Variants in AGBL1 observed in about 807,000 individuals in gnomAD.
AGBL1 encodes the protein AGBL carboxypeptidase 1, also known as cytosolic carboxypeptidase 4.
A neutral mutation model predicts 118.9 loss-of-function variants in AGBL1; 130 were observed. That is an observed-to-expected ratio of 1.09 (90% CI 0.95 to 1.26). The LOEUF (loss-of-function observed/expected upper bound fraction) is 1.26. Ranked by LOEUF, AGBL1 falls within the 50% of genes most tolerant of loss-of-function variation. The probability of loss-of-function intolerance (pLI) is 0.00; values close to 1 mark genes in which losing one functional copy is unlikely to be tolerated. For missense variants in AGBL1, 1,584 were observed against 1,298.1 expected, an observed-to-expected ratio of 1.22 and a Z score of -3.38; for synonymous variants, 555 against 478.9, an observed-to-expected ratio of 1.16 and a Z score of -2.08.
chr15:86,939,390 G>C (rs1237016401), intron 23 of AGBL1, among the ~76,000 whole-genome samples: 1 of 152,114 alleles, frequency 6.6e-6, no homozygotes, highest in African/African-American at 2.4e-5. Context: ...TCAGCTTTTG[G>C]ACTCTTGGAC....
At chr15:86,590,982 C>G (rs923087153) in intron 21 of AGBL1, among the ~76,000 whole-genome samples, 10 of 152,160 alleles carry the variant, frequency 6.6e-5, no homozygotes, top group Non-Finnish European at 1.5e-4. Context: ...TCTCAGTTGT[C>G]CCAATAATGT....
chr15:86,417,967 A>G lies in AGBL1; in HGVS notation c.2555+20421A>G, dbSNP rs145215269. 2.0e-5 allele frequency among the ~76,000 whole-genome samples: 3 copies of G among 152,308 alleles called. No homozygotes were observed. The East Asian group carries it at 5.8e-4, about 29-fold the overall frequency. On this transcript the variant is annotated intron_variant, in intron 18 of 22. Transcript: ENST00000614907. ...GAAGTTATTTTTTATATTAATTGCC[A>G]TTAACCTGAAAGTATCTTGCTGTAT...
At chr15:86,449,820 G>A (rs1047514555) in intron 18 of AGBL1, among the ~76,000 whole-genome samples, 12 of 152,110 alleles carry the variant, frequency 7.9e-5, no homozygotes, top group African/African-American at 1.4e-4. Flanking sequence ...ACTGAGGAAC[G>A]GCATGTCCAA....
At chr15:86,808,337 C>T (rs1455011290) in intron 22 of AGBL1, among the ~76,000 whole-genome samples, 1 of 152,142 alleles carries the variant, frequency 6.6e-6, no homozygotes, top group Non-Finnish European at 1.5e-5. Flanking sequence ...AAACAGCTTT[C>T]AGAAACACCT....
chr15:86,760,383 A>G (rs1413521564), intron 22 of AGBL1, among the ~76,000 whole-genome samples: 1 of 152,040 alleles, frequency 6.6e-6, no homozygotes, highest in Non-Finnish European at 1.5e-5. Context: ...CCACACCCGC[A>G]TTCTCCTACT....
rs192173934 is a variant in AGBL1, at chr15:86,161,847, C to T, written c.488+2821C>T. 1.5e-3 allele frequency among the ~76,000 whole-genome samples: 231 copies of T among 152,270 alleles called. 2 individuals are homozygous for T. Among genetic ancestry groups the T allele is most frequent in the Non-Finnish European group, 2.6e-3 (175 of 68,032 alleles). Reference sequence around the variant, plus strand: ...AGCCTCCTTCTACCAGATTCCTTGGCGAGTCATTTAACTTTTCTTAACTAA... The same window carrying T: ...AGCCTCCTTCTACCAGATTCCTTGGTGAGTCATTTAACTTTTCTTAACTAA... On this transcript the variant is annotated intron_variant, in intron 5 of 22. Transcript: ENST00000614907.
chr15:86,719,441 C>T (rs2086684870), intron 22 of AGBL1, among the ~76,000 whole-genome samples: 1 of 152,164 alleles, frequency 6.6e-6, no homozygotes, highest in African/African-American at 2.4e-5. Flanking sequence ...AAAGACACAG[C>T]ATCCTTATAG....
At chr15:86,690,154 T>C (rs960729640) in intron 22 of AGBL1, among the ~76,000 whole-genome samples, 5 of 152,178 alleles carry the variant, frequency 3.3e-5, no homozygotes, top group African/African-American at 1.2e-4. Flanking sequence ...AGGAATGTTA[T>C]AAGAAATAGG....
At chr15:86,358,830 A>G (rs2080760360) in intron 17 of AGBL1, among the ~76,000 whole-genome samples, 1 of 151,940 alleles carries the variant, frequency 6.6e-6, no homozygotes, top group South Asian at 2.1e-4. Context: ...TTCTTGAGAA[A>G]TGTTTATTCA....
At chr15:86,476,650 C>A (rs578019853) in intron 18 of AGBL1, among the ~76,000 whole-genome samples, 59 of 152,310 alleles carry the variant, frequency 3.9e-4, no homozygotes, top group African/African-American at 1.4e-3. Flanking sequence ...TAACACCCTA[C>A]TGTCAACATG....
chr15:86,521,827 G>A (rs551634413), intron 18 of AGBL1, among the ~76,000 whole-genome samples: 40 of 152,338 alleles, frequency 2.6e-4, no homozygotes, highest in African/African-American at 8.4e-4. Flanking sequence ...GAGCTTGGGT[G>A]TGGAAGGACA....
intron 18 of AGBL1, among the ~76,000 whole-genome samples, chr15:86,406,535 T>C (rs775686415): frequency 1.3e-5 from 2 of 152,206 alleles, no homozygotes; most frequent in African/African-American, 2.4e-5. Flanking sequence ...TTGCATTGTA[T>C]AATTCCAAAG....
intron 22 of AGBL1, among the ~76,000 whole-genome samples, chr15:86,847,641 C>A (rs1453751413): frequency 1.3e-5 from 2 of 152,128 alleles, no homozygotes; most frequent in Non-Finnish European, 2.9e-5. Flanking sequence ...AAGTCTCTAC[C>A]CTCTGCCAAC....
chr15:86,558,047 A>G (rs1443572831), intron 21 of AGBL1, among the ~76,000 whole-genome samples: 1 of 152,058 alleles, frequency 6.6e-6, no homozygotes, highest in Non-Finnish European at 1.5e-5. Flanking sequence ...CTGCCACTAG[A>G]TATGGTTTGA....
intron 22 of AGBL1, among the ~76,000 whole-genome samples, chr15:86,762,430 C>T (rs952932777): frequency 6.6e-6 from 1 of 151,962 alleles, no homozygotes; most frequent in Non-Finnish European, 1.5e-5. Context: ...CAAGTTGAAT[C>T]CAAATGTGAA....
intron 19 of AGBL1, among the ~76,000 whole-genome samples, chr15:86,538,184 T>C (rs2083450829): frequency 6.6e-6 from 1 of 152,216 alleles, no homozygotes; most frequent in African/African-American, 2.4e-5. Context: ...CCAAGACTGA[T>C]CTGTAAGTAA....
intron 22 of AGBL1, among the ~76,000 whole-genome samples, chr15:86,704,637 A>T (rs2086416338): frequency 6.6e-6 from 1 of 152,116 alleles, no homozygotes; most frequent in African/African-American, 2.4e-5. Flanking sequence ...GAAACAACAG[A>T]TGCTGGTAGG....
At chr15:86,389,767 T>C (rs2081249344) in intron 17 of AGBL1, among the ~76,000 whole-genome samples, 1 of 151,614 alleles carries the variant, frequency 6.6e-6, no homozygotes, top group South Asian at 2.1e-4. Flanking sequence ...TGAAAAAGAA[T>C]AGAAGGATGT....
At chr15:86,473,845 G>T (rs1008708318) in intron 18 of AGBL1, among the ~76,000 whole-genome samples, 9 of 152,066 alleles carry the variant, frequency 5.9e-5, no homozygotes, top group African/African-American at 2.2e-4. Context: ...GGAGTGGCTG[G>T]ATTGAGCCTC....
Sources: gnomAD v4.1 joint callset for allele counts (sites outside exome capture counted in the v4.1 genomes callset) on GRCh38, gnomAD v4.1.1 for gene constraint, MANE v1.5 for transcripts, NCBI Gene and HGNC (gene_info 2026-07-23, HGNC 2026-07-21) for gene names.